The following PCCA variants were observed in gnomAD, a reference collection of about 807,000 sequenced individuals.
The protein encoded by PCCA is propionyl-CoA carboxylase subunit alpha.
PCCA carries 74 observed loss-of-function variants against 101.3 expected under a neutral mutation model. The ratio of observed to expected loss-of-function variants is 0.73; its 90% confidence interval spans 0.61 to 0.89. The LOEUF is 0.89. PCCA is among the 40% of genes least tolerant of loss of function. The pLI is 0.00. For missense variants in PCCA, 891 were observed against 907.0 expected (o/e 0.98, Z 0.23); for synonymous variants, 294 against 313.6 (o/e 0.94, Z 0.66).
At chr13:100,461,737 C>T (rs1292411255) in intron 21 of PCCA, among the ~76,000 whole-genome samples, 1 of 152,204 alleles carries the variant, frequency 6.6e-6, no homozygotes, top group African/African-American at 2.4e-5. Flanking sequence ...GCAGCTGCTC[C>T]AAGTCCTGCT....
At chr13:100,247,871 A>G (rs1566791048) in intron 8 of PCCA, among the ~76,000 whole-genome samples, 1 of 152,104 alleles carries the variant, frequency 6.6e-6, no homozygotes, top group Non-Finnish European at 1.5e-5. Context: ...GTGATTTTCC[A>G]ATTTTTCCTT....
At chr13:100,460,279 A>G (rs2082082436) in intron 21 of PCCA, among the ~76,000 whole-genome samples, 2 of 152,248 alleles carry the variant, frequency 1.3e-5, no homozygotes, top group Non-Finnish European at 2.9e-5. Flanking sequence ...CACAATAAGA[A>G]TAAATATTTT....
chr13:100,300,166 A>G lies in PCCA; in HGVS notation c.1066-1294A>G, dbSNP rs150893005. Among the ~76,000 whole-genome samples the G allele has an allele frequency of 2.0e-5, 3 of 152,358 alleles. No homozygotes were observed. The East Asian group carries it at 5.8e-4, about 29-fold the overall frequency. ...AATCATAATTTGCTTTCAAAAATACATATTTTAAACTACCTAATAAGATCT... is the reference window on the plus strand; with the variant it reads ...AATCATAATTTGCTTTCAAAAATACGTATTTTAAACTACCTAATAAGATCT... On this transcript the variant is annotated intron_variant, in intron 12 of 23. Transcript: ENST00000376285.
At chr13:100,226,520 A>G (rs2060152042) in intron 7 of PCCA, among the ~76,000 whole-genome samples, 1 of 152,210 alleles carries the variant, frequency 6.6e-6, no homozygotes, top group Non-Finnish European at 1.5e-5. Context: ...TCTGGGAAGA[A>G]TGATTCGAAT....
At chr13:100,326,166 T>C (rs2152725443) in intron 16 of PCCA, among the ~76,000 whole-genome samples, 1 of 152,332 alleles carries the variant, frequency 6.6e-6, no homozygotes, top group South Asian at 2.1e-4. Context: ...ACAGGATTTA[T>C]GAAAGAGGCA....
At chr13:100,422,293 C>T (rs1376679963) in intron 19 of PCCA, among the ~76,000 whole-genome samples, 2 of 151,840 alleles carry the variant, frequency 1.3e-5, no homozygotes, top group Non-Finnish European at 2.9e-5. Context: ...GCCATCATGC[C>T]TGGCTAAGTA....
At chr13:100,467,960 A>G (rs1420070818) in intron 21 of PCCA, among the ~76,000 whole-genome samples, 3 of 152,246 alleles carry the variant, frequency 2.0e-5, no homozygotes, top group African/African-American at 7.2e-5. Context: ...TTCCAAATGT[A>G]TTTCTGAAAT....
At chr13:100,309,798 TA>T in intron 15 of PCCA, 34 bp from the exon 16 acceptor site, 19 of 1,284,292 alleles carry the variant, frequency 1.5e-5, no homozygotes, top group Non-Finnish European at 2.1e-5. Context: ...TCTAAATATA[TA>T]TATATATTGG....
chr13:100,509,266 A>G (rs1323888326), intron 21 of PCCA, among the ~76,000 whole-genome samples: 1 of 152,232 alleles, frequency 6.6e-6, no homozygotes, highest in Non-Finnish European at 1.5e-5. Context: ...TTCTCTGCGT[A>G]AAATGTTGTA....
At chr13:100,302,742 GATTTTT>G (rs956372422) in intron 13 of PCCA, among the ~76,000 whole-genome samples, 176 bp from the exon 14 acceptor site, 2 of 152,076 alleles carry the variant, frequency 1.3e-5, no homozygotes, top group African/African-American at 4.8e-5. Context: ...AGTTCTGTTT[GATTTTT>G]AAGTACATTC....
intron 10 of PCCA, among the ~76,000 whole-genome samples, chr13:100,263,475 A>G (rs757265839): frequency 6.6e-6 from 1 of 152,222 alleles, no homozygotes; most frequent in Non-Finnish European, 1.5e-5. Context: ...AGGGAACCAG[A>G]TAAATAAAAG....
At chr13:100,198,632 G>T (rs2152459674) in intron 6 of PCCA, among the ~76,000 whole-genome samples, 1 of 152,172 alleles carries the variant, frequency 6.6e-6, no homozygotes, top group African/African-American at 2.4e-5. Context: ...CCGAGTAGCT[G>T]GGATAACAGG....
intron 10 of PCCA, among the ~76,000 whole-genome samples, chr13:100,263,950 A>G (rs1400679641): frequency 1.3e-5 from 2 of 150,774 alleles, no homozygotes; most frequent in African/African-American, 4.9e-5. Flanking sequence ...TATATACGGT[A>G]TCTGTATGTC....
chr13:100,392,055 G>A (rs930050227), intron 19 of PCCA, among the ~76,000 whole-genome samples: 1 of 152,048 alleles, frequency 6.6e-6, no homozygotes, highest in Non-Finnish European at 1.5e-5. Flanking sequence ...TTGAGTTCTC[G>A]TGTTTATTTC....
intron 19 of PCCA, among the ~76,000 whole-genome samples, chr13:100,418,521 A>C (rs2078530136): frequency 6.6e-6 from 1 of 152,042 alleles, no homozygotes; most frequent in Admixed American, 6.6e-5. Flanking sequence ...TATTTCCTCT[A>C]ATTCATTGTC....
At chr13:100,104,438 T>C (rs2047566724) in intron 2 of PCCA, 2 of 152,132 alleles carry the variant, frequency 1.3e-5, no homozygotes, top group African/African-American at 4.8e-5. Context: ...CATGTTTTTC[T>C]CATGACAGTG....
chr13:100,148,247 A>C (rs139245650), intron 4 of PCCA, among the ~76,000 whole-genome samples: 49 of 152,212 alleles, frequency 3.2e-4, no homozygotes, highest in African/African-American at 1.1e-3. Context: ...GAATTATGTC[A>C]TATCTCAGGT....
chr13:100,191,030 A>C (rs2057705833), intron 6 of PCCA, among the ~76,000 whole-genome samples: 2 of 151,928 alleles, frequency 1.3e-5, no homozygotes, highest in Non-Finnish European at 1.5e-5. Flanking sequence ...CCTAGGTGTC[A>C]AAGCTGCAGT....
intron 9 of PCCA, among the ~76,000 whole-genome samples, chr13:100,258,947 C>T (rs1171615831): frequency 1.3e-5 from 2 of 152,112 alleles, no homozygotes; most frequent in African/African-American, 4.8e-5. Flanking sequence ...TTTAATAATA[C>T]AAGCTCCTCA....
Sources: gnomAD v4.1 joint callset for allele counts (sites outside exome capture counted in the v4.1 genomes callset) on GRCh38, gnomAD v4.1.1 for gene constraint, MANE v1.5 for transcripts, NCBI Gene and HGNC (gene_info 2026-07-23, HGNC 2026-07-21) for gene names.